POLQ: variants seen among roughly 807,000 people sequenced by gnomAD.
POLQ encodes the protein epididymis secretory sperm binding protein.
POLQ carries 233 observed loss-of-function variants against 259.2 expected under a neutral mutation model. That is an observed-to-expected ratio of 0.90 (90% CI 0.81 to 1.00). POLQ has a LOEUF of 1.00. Among genes scored for constraint, POLQ ranks in the 50% least tolerant of loss-of-function variants. The pLI is 0.00. For missense variants in POLQ, 2,871 were observed against 3,051.6 expected (o/e 0.94, Z 1.39); for synonymous variants, 1,025 against 1,048.8 (o/e 0.98, Z 0.44).
At position 121,432,899 on chromosome 3, in the gene POLQ, A is replaced by T; in HGVS notation, c.7659+19T>A. The T allele has an allele frequency of 2.3e-6, 3 of 1,326,966 alleles. No individual in the cohort carries two copies. Among genetic ancestry groups the T allele is most frequent in the Non-Finnish European group, 3.3e-6 (3 of 918,520 alleles). 82.2% of individuals were successfully genotyped at this position (1,326,966 alleles called of 1,614,324 possible). On this transcript the variant is annotated intron_variant, in intron 29 of 29. Transcript: ENST00000264233. ...TGTCTTGTCTTCCTATGGAATGGAC[A>T]CAAGCATTGCAAAAATACCTGAACA...
chr3:121,450,368 T>G (rs994949938), intron 25 of POLQ, among the ~76,000 whole-genome samples: 2 of 151,552 alleles, frequency 1.3e-5, no homozygotes, highest in African/African-American at 4.9e-5. Context: ...TTTTTATTAT[T>G]TATTTATTTT....
chr3:121,498,698 C>A (rs761166493), intron 12 of POLQ, 28 bp from the exon 13 acceptor site: 174 of 1,475,562 alleles, frequency 1.2e-4, no homozygotes, highest in Non-Finnish European at 1.6e-4. Context: ...TATTCATTAA[C>A]TAAAACTATT....
chr3:121,494,989 A>C, intron 14 of POLQ: 2 of 734,950 alleles, frequency 2.7e-6, no homozygotes, highest in Non-Finnish European at 2.1e-6. Flanking sequence ...GCATGTAAAG[A>C]TGCTGGGCGC....
chr3:121,442,260 G>A (rs1054744634), intron 26 of POLQ, among the ~76,000 whole-genome samples: 1 of 152,066 alleles, frequency 6.6e-6, no homozygotes, highest in African/African-American at 2.4e-5. Flanking sequence ...GGAAAATGGG[G>A]TACCCATCAC....
At chr3:121,432,781 A>G (rs1424627468) in intron 29 of POLQ, 137 bp downstream of exon 29, 7 of 639,560 alleles carry the variant, frequency 1.1e-5, no homozygotes, top group Non-Finnish European at 2.0e-5. Context: ...TTCTACCTGT[A>G]AGGACTCAAT....
At chr3:121,487,262 G>A (rs1216813407) in intron 16 of POLQ, 40 bp downstream of exon 16, 2 of 1,130,144 alleles carry the variant, frequency 1.8e-6, no homozygotes, top group African/African-American at 3.2e-5. Context: ...CTACTAAGTA[G>A]TTTATAAATA....
chr3:121,435,643 A>G (rs2047537567), intron 28 of POLQ, among the ~76,000 whole-genome samples: 1 of 152,214 alleles, frequency 6.6e-6, no homozygotes, highest in South Asian at 2.1e-4. Context: ...AAATTGAGAC[A>G]TGCATCATCC....
chr3:121,467,482 C>A, intron 24 of POLQ, 37 bp downstream of exon 24: 1 of 1,600,048 alleles, frequency 6.2e-7, no homozygotes, highest in Non-Finnish European at 8.6e-7. Context: ...AACATTCTCA[C>A]AGCAATGAGA....
intron 15 of POLQ, 168 bp from the exon 16 acceptor site, chr3:121,490,576 TAAAC>T: frequency 4.8e-6 from 3 of 630,484 alleles, no homozygotes; most frequent in Middle Eastern, 3.1e-4. Context: ...ATTCAGAAAA[TAAAC>T]AAAAAGTTTA....
Position 121,489,983 on chromosome 3 carries a change from CAT to C in POLQ, c.2946_2947del (p.Cys983PhefsTer15). On this transcript the variant is annotated frameshift_variant, in exon 16 of 30. Coordinates refer to ENST00000264233, the MANE Select transcript of POLQ (RefSeq NM_199420.4). LOFTEE classifies it high-confidence loss of function. ...CCGTTTTCTTGCTCTGAAAATGGAA[CAT>C]GTCTGATGTTCTTGATTCCCATTCT... 1.3e-6 allele frequency: 2 copies of C among 1,582,270 alleles called. No homozygotes were observed. Among genetic ancestry groups the C allele is most frequent in the African/African-American group, 1.4e-5 (1 of 72,960 alleles).
chr3:121,433,166 A>G (rs2047515142), intron 28 of POLQ, 133 bp from the exon 29 acceptor site: 1 of 635,082 alleles, frequency 1.6e-6, no homozygotes, highest in South Asian at 1.8e-5. Flanking sequence ...ACTATCAGGA[A>G]AATAACTACT....
At chr3:121,529,911 T>A in intron 6 of POLQ, 119 bp from the exon 7 acceptor site, 4 of 637,934 alleles carry the variant, frequency 6.3e-6, no homozygotes, top group Non-Finnish European at 7.7e-6. Context: ...ATAATGAAAA[T>A]CAGTTACAAA....
chr3:121,483,634 T>G (rs763051171), intron 17 of POLQ, 52 bp from the exon 18 acceptor site: 8 of 1,322,054 alleles, frequency 6.1e-6, no homozygotes, highest in Middle Eastern at 2.0e-4. Flanking sequence ...AAAAATTACA[T>G]GCATTCATTT....
chr3:121,522,607 G>C (rs532566521), intron 7 of POLQ, among the ~76,000 whole-genome samples: 1 of 152,042 alleles, frequency 6.6e-6, no homozygotes, highest in Non-Finnish European at 1.5e-5. Context: ...CACCGCGCCC[G>C]GCTGGAGATC....
rs187524206 is a variant in POLQ at position 121,486,618 on chromosome 3, C to T, written c.5629+684G>A. Among the ~76,000 whole-genome samples, 21 of 152,222 alleles carry T rather than the reference C, an allele frequency of 1.4e-4. 1 individual carries two copies. The highest frequency in any genetic ancestry group is 9.8e-4 in the Admixed American group (15 of 15,290). On this transcript the variant is annotated intron_variant, in intron 16 of 29. Transcript: ENST00000264233. The stretch of plus-strand genomic sequence containing the variant: ...GTGGCTCATGCCGGTAATCCCAGCA[C>T]TTTGAAAGGCCAACACAGGTGGATC...
rs59260884 is a variant in POLQ at position 121,525,377 on chromosome 3, T to C, written c.1109-3228A>G. 3.3e-3 allele frequency among the ~76,000 whole-genome samples: 499 copies of C among 151,110 alleles called. 5 individuals carry two copies. Among genetic ancestry groups the C allele is most frequent in the African/African-American group, 0.012 (474 of 41,212 alleles). ...AAGAAAACAAAAAAGAGAAAATACA[T>C]TTACTATTCATTAACTGGAAGTAGA... On this transcript the variant is annotated intron_variant, in intron 7 of 29. Transcript: ENST00000264233.
At chr3:121,470,077 G>A (rs1193204293) in intron 22 of POLQ, among the ~76,000 whole-genome samples, 1 of 152,074 alleles carries the variant, frequency 6.6e-6, no homozygotes, top group Non-Finnish European at 1.5e-5. Context: ...GGCTGAGGTG[G>A]GTGGATCACG....
At chr3:121,466,693 A>G (rs2047839948) in intron 24 of POLQ, among the ~76,000 whole-genome samples, 1 of 145,184 alleles carries the variant, frequency 6.9e-6, no homozygotes, top group African/African-American at 2.5e-5. Flanking sequence ...TCCATCTCGA[A>G]AAAAAAAAAA....
intron 10 of POLQ, among the ~76,000 whole-genome samples, chr3:121,510,752 A>T (rs888220516): frequency 2.6e-4 from 39 of 152,262 alleles, no homozygotes; most frequent in African/African-American, 9.1e-4. Flanking sequence ...ATGACAACAG[A>T]AAAGTTCTCC....
Sources: allele counts gnomAD v4.1 joint callset (sites outside exome capture counted in the v4.1 genomes callset), GRCh38; gene constraint gnomAD v4.1.1; transcripts MANE v1.5; gene names NCBI Gene and HGNC (gene_info 2026-07-23, HGNC 2026-07-21).